Variants in CCSER1 observed in about 807,000 individuals in gnomAD.
The protein encoded by CCSER1 is coiled-coil serine rich protein 1, also known as serine-rich coiled-coil domain-containing protein 1.
Under a neutral mutation model 82.0 loss-of-function variants are expected in CCSER1, and 41 were observed. The observed-to-expected ratio is 0.50, with a 90% CI of 0.39 to 0.65. The LOEUF is 0.65. CCSER1 is among the 30% of genes least tolerant of loss of function. The probability of loss-of-function intolerance (pLI) is 0.00; values close to 1 mark genes in which losing one functional copy is unlikely to be tolerated. For synonymous variants in CCSER1, 414 were observed against 383.9 expected (o/e 1.08, Z -0.92); for missense variants, 1,119 against 1,064.2 (o/e 1.05, Z -0.72).
intron 10 of CCSER1, among the ~76,000 whole-genome samples, chr4:91,270,196 C>A (rs1173801226): frequency 6.6e-6 from 1 of 152,096 alleles, no homozygotes; most frequent in Non-Finnish European, 1.5e-5. Flanking sequence ...TATTTCCATT[C>A]CATGTCTAAC....
rs118160879 is a variant in CCSER1 at position 91,095,286 on chromosome 4, T to C, written c.2217+9292T>C. Among the ~76,000 whole-genome samples the C allele has an allele frequency of 1.2e-3, 186 of 152,306 alleles. No individual in the cohort carries two copies. In the East Asian group the frequency reaches 0.03, roughly 25 times the overall value. On this transcript the variant is annotated intron_variant, in intron 10 of 10. Coordinates refer to ENST00000509176, the MANE Select transcript of CCSER1 (RefSeq NM_001145065.2). Reference sequence around the variant, plus strand: ...CTTCTCCTTTAGTTGGAGACACTTATCTTTCCAATGTCCTATTTCTTTACA... The same window carrying C: ...CTTCTCCTTTAGTTGGAGACACTTACCTTTCCAATGTCCTATTTCTTTACA...
intron 3 of CCSER1, among the ~76,000 whole-genome samples, chr4:90,397,789 C>T (rs1752219715): frequency 6.6e-6 from 1 of 152,076 alleles, no homozygotes; most frequent in Admixed American, 6.6e-5. Context: ...TAGGGTGGTT[C>T]CAATTAAAAA....
rs72659490 is a variant in CCSER1, at chr4:90,309,329, T to A, written c.1045T>A (p.Leu349Ile). Reference protein sequence around the residue: ...ETSAANQKEVLLQIAELPATS... With the variant: ...ETSAANQKEVILQIAELPATS... ...CTCTGCTGCTAATCAGAAGGAAGTGTTATTACAAATTGCTGAACTACCTGC... is the reference window on the plus strand; with the variant it reads ...CTCTGCTGCTAATCAGAAGGAAGTGATATTACAAATTGCTGAACTACCTGC... The change falls in exon 2 of 11, where the codon TTA becomes ATA. Residue 349 changes from leucine (L) to isoleucine (I), a missense_variant. Transcript: ENST00000509176. The A allele has an allele frequency of 8.9e-3, 14,315 of 1,613,842 alleles. 82 individuals carry two copies. Among genetic ancestry groups the A allele is most frequent in the Non-Finnish European group, 0.011 (12,541 of 1,179,798 alleles).
chr4:91,331,767 G>A (rs1393895854), intron 10 of CCSER1, among the ~76,000 whole-genome samples: 1 of 152,106 alleles, frequency 6.6e-6, no homozygotes, highest in Non-Finnish European at 1.5e-5. Context: ...CATCAACACA[G>A]GATAACATAT....
At chr4:90,200,544 T>C (rs1262428959) in intron 1 of CCSER1, among the ~76,000 whole-genome samples, 2 of 152,010 alleles carry the variant, frequency 1.3e-5, no homozygotes, top group African/African-American at 4.8e-5. Context: ...TTCTAGAGCT[T>C]TCAGCACTTA....
chr4:90,552,658 T>C (rs1336241722), intron 5 of CCSER1, among the ~76,000 whole-genome samples: 1 of 152,018 alleles, frequency 6.6e-6, no homozygotes, highest in Non-Finnish European at 1.5e-5. Flanking sequence ...GTTTTTGCCG[T>C]GTTGCCCAGG....
chr4:90,159,584 C>A (rs1729044653), intron 1 of CCSER1, among the ~76,000 whole-genome samples: 1 of 152,120 alleles, frequency 6.6e-6, no homozygotes, highest in Non-Finnish European at 1.5e-5. Context: ...ATTAGTTCTC[C>A]ATGGATCTAT....
At chr4:90,635,539 A>G (rs1451925380) in intron 6 of CCSER1, among the ~76,000 whole-genome samples, 1 of 151,866 alleles carries the variant, frequency 6.6e-6, no homozygotes, top group Non-Finnish European at 1.5e-5. Flanking sequence ...TCACAAATCA[A>G]AATTTTCTGG....
chr4:91,258,308 T>C (rs1274548765), intron 10 of CCSER1, among the ~76,000 whole-genome samples: 6 of 152,094 alleles, frequency 3.9e-5, no homozygotes, highest in African/African-American at 1.4e-4. Context: ...TAATATTTTG[T>C]GTGCAATAAG....
At chr4:91,464,427 A>G (rs962871946) in intron 10 of CCSER1, among the ~76,000 whole-genome samples, 2 of 152,198 alleles carry the variant, frequency 1.3e-5, no homozygotes, top group African/African-American at 4.8e-5. Context: ...CATCGATGCT[A>G]AGAAGAAACT....
intron 6 of CCSER1, among the ~76,000 whole-genome samples, chr4:90,644,919 C>T (rs542052104): frequency 2.6e-5 from 4 of 151,154 alleles, no homozygotes; most frequent in Non-Finnish European, 4.4e-5. Flanking sequence ...CCATCTCCAC[C>T]GAGAGTACAA....
intron 8 of CCSER1, among the ~76,000 whole-genome samples, chr4:90,853,873 T>C (rs1165741496): frequency 6.6e-6 from 1 of 152,024 alleles, no homozygotes; most frequent in East Asian, 1.9e-4. Flanking sequence ...ATAAATTCAG[T>C]AAAGGTGTAA....
At chr4:91,127,971 T>A (rs1727659065) in intron 10 of CCSER1, among the ~76,000 whole-genome samples, 1 of 152,040 alleles carries the variant, frequency 6.6e-6, no homozygotes. Flanking sequence ...TCAGTCCTTT[T>A]CAAAAGTCCC....
chr4:90,215,166 C>T (rs189773556), intron 1 of CCSER1, among the ~76,000 whole-genome samples: 1 of 152,274 alleles, frequency 6.6e-6, no homozygotes, highest in East Asian at 1.9e-4. Flanking sequence ...TATAAAGATT[C>T]TCCTAAGCAT....
chr4:90,964,703 C>T (rs375499818), intron 9 of CCSER1, among the ~76,000 whole-genome samples: 5 of 120,504 alleles, frequency 4.1e-5, no homozygotes, highest in African/African-American at 9.9e-5. Flanking sequence ...CCAGCCTGGG[C>T]GACAGAGCCA....
chr4:91,501,165 C>T (rs1759188147), intron 10 of CCSER1, among the ~76,000 whole-genome samples: 1 of 151,788 alleles, frequency 6.6e-6, no homozygotes, highest in Non-Finnish European at 1.5e-5. Context: ...ATTGTCAAGA[C>T]ACTTGGATAG....
At chr4:91,382,241 A>C (rs1227934708) in intron 10 of CCSER1, among the ~76,000 whole-genome samples, 1 of 152,078 alleles carries the variant, frequency 6.6e-6, no homozygotes, top group Non-Finnish European at 1.5e-5. Context: ...AGGGACATTT[A>C]TGGGATAAGG....
chr4:90,837,952 G>C (rs1762015289), intron 8 of CCSER1, among the ~76,000 whole-genome samples: 1 of 151,948 alleles, frequency 6.6e-6, no homozygotes, highest in Non-Finnish European at 1.5e-5. Flanking sequence ...AGTTTTTTTA[G>C]AATTATCAAG....
chr4:91,540,484 A>AT (rs1761530045), intron 10 of CCSER1, among the ~76,000 whole-genome samples: 2 of 151,932 alleles, frequency 1.3e-5, no homozygotes, highest in Admixed American at 6.6e-5. Context: ...CGTATTGAAT[A>AT]TTTTTTCCGA....
Sources: gnomAD v4.1 joint callset for allele counts (sites outside exome capture counted in the v4.1 genomes callset) on GRCh38, gnomAD v4.1.1 for gene constraint, MANE v1.5 for transcripts, NCBI Gene and HGNC (gene_info 2026-07-23, HGNC 2026-07-21) for gene names.